The following MAN1A2 variants were observed in gnomAD, a reference collection of about 807,000 sequenced individuals.
The protein encoded by MAN1A2 is mannosyl-oligosaccharide 1,2-alpha-mannosidase IB.
In MAN1A2, 26 loss-of-function variants were observed where a neutral mutation model predicts 75.7. The observed-to-expected ratio is 0.34, with a 90% confidence interval of 0.25 to 0.48. MAN1A2 has a LOEUF of 0.48. Among genes scored for constraint, MAN1A2 ranks in the 20% least tolerant of loss-of-function variants. MAN1A2 has a pLI of 0.99. For missense variants in MAN1A2, 562 were observed against 775.5 expected, an observed-to-expected ratio of 0.72 and a Z score of 3.27; for synonymous variants, 247 against 264.6, an observed-to-expected ratio of 0.93 and a Z score of 0.65.
chr1:117,441,520 T>A (rs1318530865), intron 5 of MAN1A2, among the ~76,000 whole-genome samples: 14 of 152,166 alleles, frequency 9.2e-5, no homozygotes, highest in Non-Finnish European at 2.1e-4. Context: ...TGTAAGTCAG[T>A]GGTCTCTAAA....
intron 5 of MAN1A2, among the ~76,000 whole-genome samples, chr1:117,421,019 A>C (rs1648168984): frequency 6.6e-6 from 1 of 152,112 alleles, no homozygotes; most frequent in South Asian, 2.1e-4. Context: ...CTAAGACCAA[A>C]AATTAGTAAT....
chr1:117,400,426 A>G (rs895879653), intron 1 of MAN1A2, among the ~76,000 whole-genome samples: 6 of 151,140 alleles, frequency 4.0e-5, no homozygotes, highest in Non-Finnish European at 5.9e-5. Flanking sequence ...AACACGTGCT[A>G]TTCATGTAAC....
chr1:117,409,512 C>T (rs981253020), intron 3 of MAN1A2, among the ~76,000 whole-genome samples: 7 of 148,400 alleles, frequency 4.7e-5, no homozygotes, highest in Admixed American at 2.0e-4. Context: ...TCCATTTGTT[C>T]TTAGAAAGAA....
rs911564430 is a variant in MAN1A2, at chr1:117,508,300, C to T, written c.1793+5330C>T. Reference sequence around the variant, plus strand: ...ATCAGGCATTAGGCAGCTCAGAAATCACAAGTTGGAAACATAGTCTTAACA... The same window carrying T: ...ATCAGGCATTAGGCAGCTCAGAAATTACAAGTTGGAAACATAGTCTTAACA... On this transcript the variant is annotated intron_variant, in intron 12 of 12. Coordinates refer to ENST00000356554, the MANE Select transcript of MAN1A2 (RefSeq NM_006699.5). Among the ~76,000 whole-genome samples the T allele has an allele frequency of 2.0e-5, 3 of 150,352 alleles. No homozygotes were observed. In the Admixed American group the frequency reaches 2.0e-4, roughly 10 times the overall value.
chr1:117,440,584 G>A (rs6657308), intron 5 of MAN1A2, among the ~76,000 whole-genome samples: 22,155 of 151,902 alleles, frequency 0.15, 1,861 homozygotes, highest in African/African-American at 0.22. Context: ...AATGACATTA[G>A]GGTGTTGTTT....
intron 1 of MAN1A2, among the ~76,000 whole-genome samples, chr1:117,372,814 TA>T (rs1273367410): frequency 0.015 from 2,182 of 142,706 alleles, 29 homozygotes; most frequent in African/African-American, 0.045. Flanking sequence ...CTTTGTGAGT[TA>T]AAAAAAAAAA....
At chr1:117,514,634 G>C (rs974795175) in intron 12 of MAN1A2, among the ~76,000 whole-genome samples, 3 of 152,128 alleles carry the variant, frequency 2.0e-5, no homozygotes, top group South Asian at 2.1e-4. Context: ...AGACAACTCT[G>C]TTAGTGGCTT....
At chr1:117,440,575 A>G (rs1480547264) in intron 5 of MAN1A2, among the ~76,000 whole-genome samples, 6 of 152,200 alleles carry the variant, frequency 3.9e-5, no homozygotes, top group African/African-American at 1.4e-4. Flanking sequence ...TTTTTTCTCA[A>G]TGACATTAGG....
chr1:117,489,594 A>G (rs17545441), intron 8 of MAN1A2, among the ~76,000 whole-genome samples: 38,145 of 151,762 alleles, frequency 0.25, 5,588 homozygotes, highest in East Asian at 0.47. Context: ...TCCAATTTCT[A>G]GTCTTTTAGA....
At chr1:117,497,246 A>G (rs1315103159) in intron 10 of MAN1A2, among the ~76,000 whole-genome samples, 3 of 151,970 alleles carry the variant, frequency 2.0e-5, no homozygotes, top group African/African-American at 7.2e-5. Flanking sequence ...GTATTTGGGA[A>G]TATATGGAAT....
At chr1:117,477,412 A>G (rs907199743) in intron 8 of MAN1A2, among the ~76,000 whole-genome samples, 1 of 152,096 alleles carries the variant, frequency 6.6e-6, no homozygotes, top group African/African-American at 2.4e-5. Context: ...AACCGAATCC[A>G]GCAGCACATC....
At position 117,493,281 on chromosome 1, in the gene MAN1A2, T is replaced by G; in HGVS notation, c.1284+19T>G. On this transcript the variant is annotated intron_variant, in intron 9 of 12. Coordinates refer to ENST00000356554, the MANE Select transcript of MAN1A2 (RefSeq NM_006699.5). ...TATTGAGGTGATTATTTCCAGAACA[T>G]TTTTCTACTTAATGGATTGAATGTA... 1 of 1,466,964 alleles carries G rather than the reference T, an allele frequency of 6.8e-7. No individual in the cohort carries two copies. Among genetic ancestry groups the G allele is most frequent in the Non-Finnish European group, 9.5e-7 (1 of 1,047,466 alleles). 90.9% of individuals were successfully genotyped at this position (1,466,964 alleles called of 1,614,324 possible).
At position 117,499,428 on chromosome 1, in the gene MAN1A2, G is replaced by A. The variant is rs1362465363; in HGVS notation, c.1551G>A (p.Glu517=). ...PESFKFDGAV[E]AVAVRQAEKY... ...CATTCAAGTTTGATGGTGCAGTGGA[G>A]GCTGTGGCTGTCCGGCAGGCTGAAA... Residue 517 remains glutamate (E), a synonymous_variant, in exon 11 of 13, where the codon GAG becomes GAA. Coordinates refer to ENST00000356554, the MANE Select transcript of MAN1A2 (RefSeq NM_006699.5). The A allele has an allele frequency of 6.2e-7, 1 of 1,604,552 alleles. No homozygotes were observed. The highest frequency in any genetic ancestry group is 8.5e-7 in the Non-Finnish European group (1 of 1,175,774).
intron 1 of MAN1A2, among the ~76,000 whole-genome samples, chr1:117,379,036 A>G (rs540454966): frequency 6.6e-6 from 1 of 152,224 alleles, no homozygotes; most frequent in African/African-American, 2.4e-5. Flanking sequence ...AATATATTTA[A>G]AATTGTTAAT....
At chr1:117,466,867 T>TA (rs1410674467) in intron 8 of MAN1A2, among the ~76,000 whole-genome samples, 2 of 152,106 alleles carry the variant, frequency 1.3e-5, no homozygotes, top group Non-Finnish European at 2.9e-5. Flanking sequence ...TGGCCTTCAT[T>TA]ATTTACCAGT....
Position 117,403,315 on chromosome 1 carries a change from A to G in MAN1A2, c.558+874A>G, listed in dbSNP as rs538729402. ...GAATTATTATAAAACCTTGACCTTG[A>G]TGGAGTAGAAATAGAGCTGTGCTCT... On this transcript the variant is annotated intron_variant, in intron 2 of 12. Coordinates refer to ENST00000356554, the MANE Select transcript of MAN1A2 (RefSeq NM_006699.5). 1.1e-3 allele frequency among the ~76,000 whole-genome samples: 160 copies of G among 152,338 alleles called. 1 individual carries two copies. Among genetic ancestry groups the G allele is most frequent in the Admixed American group, 5.6e-3 (86 of 15,306 alleles).
intron 3 of MAN1A2, among the ~76,000 whole-genome samples, chr1:117,409,014 A>G (rs1647718756): frequency 6.6e-6 from 1 of 151,924 alleles, no homozygotes; most frequent in Non-Finnish European, 1.5e-5. Flanking sequence ...TTATTGATTT[A>G]TGTTTTGTCT....
chr1:117,414,649 C>T, intron 3 of MAN1A2, 64 bp from the exon 4 acceptor site: 3 of 772,398 alleles, frequency 3.9e-6, no homozygotes, highest in Non-Finnish European at 6.7e-6. Flanking sequence ...TTTTTTTTCC[C>T]CCCAAAGAGA....
intron 12 of MAN1A2, among the ~76,000 whole-genome samples, chr1:117,512,748 G>GACACACACACACACACAC (rs1651575572): frequency 2.4e-5 from 1 of 42,318 alleles, no homozygotes; most frequent in Non-Finnish European, 4.6e-5. Context: ...TAGGCACTGG[G>GACACACACACACACACAC]ATACACACAC....
Sources: allele counts gnomAD v4.1 joint callset (sites outside exome capture counted in the v4.1 genomes callset), GRCh38; gene constraint gnomAD v4.1.1; transcripts MANE v1.5; gene names NCBI Gene and HGNC (gene_info 2026-07-23, HGNC 2026-07-21).